The following CADM2 variants were observed in gnomAD, a reference collection of about 807,000 sequenced individuals.
CADM2 encodes immunoglobulin superfamily member 4D.
In CADM2, 12 loss-of-function variants were observed where a neutral mutation model predicts 49.8. The observed-to-expected ratio is 0.24, with a 90% CI of 0.15 to 0.39. CADM2 has a LOEUF of 0.39. Ranked by LOEUF, CADM2 falls within the 10% of genes least tolerant of loss-of-function variation. CADM2 has a pLI of 1.00. For missense variants in CADM2, 378 were observed against 492.3 expected (o/e 0.77, Z 2.20); for synonymous variants, 214 against 175.4 (o/e 1.22, Z -1.74).
At chr3:86,048,621 T>C (rs977069065) in intron 8 of CADM2, among the ~76,000 whole-genome samples, 4 of 152,186 alleles carry the variant, frequency 2.6e-5, no homozygotes, top group Non-Finnish European at 4.4e-5. Context: ...AATTTATTTA[T>C]TATGCTAAGC....
chr3:85,539,859 A>G (rs1480545578), intron 1 of CADM2, among the ~76,000 whole-genome samples: 2 of 152,084 alleles, frequency 1.3e-5, no homozygotes, highest in African/African-American at 2.4e-5. Flanking sequence ...CAGGATTTCA[A>G]TTTTTTAAAT....
intron 1 of CADM2, among the ~76,000 whole-genome samples, chr3:85,295,927 T>TA (rs923976474): frequency 4.6e-4 from 68 of 147,156 alleles, no homozygotes; most frequent in African/African-American, 1.6e-3. Context: ...TAAAGTATAA[T>TA]AAAAAAAAGA....
chr3:85,873,508 A>G (rs1359452400), intron 3 of CADM2, among the ~76,000 whole-genome samples: 2 of 152,070 alleles, frequency 1.3e-5, no homozygotes, highest in African/African-American at 4.8e-5. Flanking sequence ...TCTACTAAAA[A>G]TAGGAAAATT....
chr3:85,118,880 G>T (rs1211352798), intron 1 of CADM2, among the ~76,000 whole-genome samples: 1 of 152,074 alleles, frequency 6.6e-6, no homozygotes, highest in Non-Finnish European at 1.5e-5. Flanking sequence ...CTCCTGAGTA[G>T]CTGGGATTAC....
intron 1 of CADM2, among the ~76,000 whole-genome samples, chr3:85,465,089 G>A (rs2038430041): frequency 6.6e-6 from 1 of 152,198 alleles, no homozygotes; most frequent in Non-Finnish European, 1.5e-5. Flanking sequence ...GGCAGAGGTT[G>A]CAGTAAGCTG....
At chr3:85,919,672 A>T (rs1718847448) in intron 6 of CADM2, among the ~76,000 whole-genome samples, 1 of 151,836 alleles carries the variant, frequency 6.6e-6, no homozygotes, top group East Asian at 1.9e-4. Flanking sequence ...TTACATTTTT[A>T]AAATGTATCA....
intron 1 of CADM2, among the ~76,000 whole-genome samples, chr3:85,624,250 A>G (rs2064057678): frequency 6.6e-6 from 1 of 152,186 alleles, no homozygotes; most frequent in Non-Finnish European, 1.5e-5. Context: ...CTTAGTGTTA[A>G]CATAATATCT....
chr3:85,480,725 A>G (rs2107626235), intron 1 of CADM2, among the ~76,000 whole-genome samples: 1 of 151,984 alleles, frequency 6.6e-6, no homozygotes, highest in Admixed American at 6.6e-5. Context: ...AAAGAGAGGG[A>G]TAATGACATA....
At chr3:85,518,188 G>A (rs2106880879) in intron 1 of CADM2, among the ~76,000 whole-genome samples, 1 of 152,014 alleles carries the variant, frequency 6.6e-6, no homozygotes, top group South Asian at 2.1e-4. Context: ...ATGGGTTTTC[G>A]CCATGTTAGC....
chr3:85,800,130 G>T (rs2071909275), intron 2 of CADM2: 1 of 152,264 alleles, frequency 6.6e-6, no homozygotes, highest in South Asian at 2.1e-4. Context: ...GAGGATTTTT[G>T]TCGCTGCAGT....
At position 85,853,325 on chromosome 3, in the gene CADM2, TAGA is replaced by T. The variant is rs200323923; in HGVS notation, c.239-29957_239-29955del. On this transcript the variant is annotated intron_variant, in intron 3 of 9. Transcript: ENST00000383699. ...AAAACAACAACAACAACAACACAAA[TAGA>T]AGAAGAAGGGGGACAGATCATCTAA... Among the ~76,000 whole-genome samples, 238 of 151,776 alleles carry T rather than the reference TAGA, an allele frequency of 1.6e-3. 3 individuals are homozygous for T. The East Asian group carries it at 0.04, about 26-fold the overall frequency.
In CADM2 at chr3:85,924,058, G is replaced by T. The variant is rs371660933; in HGVS notation, c.700+11515G>T. Among the ~76,000 whole-genome samples, 5 of 152,186 alleles carry T rather than the reference G, an allele frequency of 3.3e-5. No homozygotes were observed. In the East Asian group the frequency reaches 9.7e-4, roughly 29 times the overall value. ...AGTAGCAAGATTTCTCATAATAAAAGAAACATAGTGTCACCAAAATTTCAT... is the reference window on the plus strand; with the variant it reads ...AGTAGCAAGATTTCTCATAATAAAATAAACATAGTGTCACCAAAATTTCAT... On this transcript the variant is annotated intron_variant, in intron 6 of 9. Transcript: ENST00000383699.
chr3:86,057,268 C>A (rs1224607030), intron 8 of CADM2, among the ~76,000 whole-genome samples: 1 of 152,052 alleles, frequency 6.6e-6, no homozygotes, highest in Non-Finnish European at 1.5e-5. Context: ...TACCATAGTG[C>A]CCCTCTTTCT....
intron 1 of CADM2, among the ~76,000 whole-genome samples, chr3:85,617,248 A>G (rs190144640): frequency 6.6e-6 from 1 of 152,284 alleles, no homozygotes; most frequent in East Asian, 1.9e-4. Context: ...ACTGGCCTCA[A>G]GTTGGGGTTC....
At chr3:85,652,779 T>C (rs979367713) in intron 1 of CADM2, among the ~76,000 whole-genome samples, 3 of 121,794 alleles carry the variant, frequency 2.5e-5, no homozygotes, top group East Asian at 2.4e-4. Flanking sequence ...TTTCTTTTTT[T>C]TTTTTTTTTT....
intron 1 of CADM2, among the ~76,000 whole-genome samples, chr3:85,597,303 GTCT>G (rs2063272753): frequency 6.6e-6 from 1 of 152,038 alleles, no homozygotes; most frequent in Non-Finnish European, 1.5e-5. Context: ...ATTCATCTAA[GTCT>G]TCTTAGCACT....
intron 1 of CADM2, among the ~76,000 whole-genome samples, chr3:85,339,138 G>A (rs2045172036): frequency 6.6e-6 from 1 of 151,448 alleles, no homozygotes; most frequent in Admixed American, 6.6e-5. Flanking sequence ...TTGTAAAATA[G>A]TGATAATAAA....
intron 1 of CADM2, among the ~76,000 whole-genome samples, chr3:85,242,657 A>G (rs75437882): frequency 6.6e-6 from 1 of 151,898 alleles, no homozygotes; most frequent in East Asian, 1.9e-4. Flanking sequence ...TTTTAACACT[A>G]TCTTGCCATC....
At chr3:86,051,883 A>G (rs541497634) in intron 8 of CADM2, among the ~76,000 whole-genome samples, 1 of 152,296 alleles carries the variant, frequency 6.6e-6, no homozygotes, top group East Asian at 1.9e-4. Flanking sequence ...ATCACCTCCT[A>G]TCATGCCCTA....
Sources: allele counts gnomAD v4.1 joint callset (sites outside exome capture counted in the v4.1 genomes callset), GRCh38; gene constraint gnomAD v4.1.1; transcripts MANE v1.5; gene names NCBI Gene and HGNC (gene_info 2026-07-23, HGNC 2026-07-21).